Variants in PRKN observed in about 807,000 individuals in gnomAD.
The protein encoded by PRKN is E3 ubiquitin-protein ligase parkin.
A neutral mutation model predicts 59.5 loss-of-function variants in PRKN; 56 were observed. The observed-to-expected ratio is 0.94, with a 90% CI of 0.76 to 1.18. The LOEUF (loss-of-function observed/expected upper bound fraction) is 1.18, where lower values mean the gene tolerates loss of function less well. Among genes scored for constraint, PRKN ranks in the 50% most tolerant of loss-of-function variants. The probability of loss-of-function intolerance (pLI) is 0.00; values close to 1 mark genes in which losing one functional copy is unlikely to be tolerated. For synonymous variants in PRKN, 250 were observed against 222.1 expected, an observed-to-expected ratio of 1.13 and a Z score of -1.12; for missense variants, 657 against 596.4, an observed-to-expected ratio of 1.10 and a Z score of -1.06.
chr6:162,567,043 A>G (rs1411380005), intron 1 of PRKN, among the ~76,000 whole-genome samples: 4 of 152,206 alleles, frequency 2.6e-5, no homozygotes, highest in Admixed American at 6.5e-5. Context: ...CTGAAAAAGC[A>G]TTTAATAAAA....
intron 4 of PRKN, 150 bp from the exon 5 acceptor site, chr6:162,054,324 C>T (rs1158130212): frequency 5.8e-6 from 4 of 694,288 alleles, no homozygotes; most frequent in African/African-American, 5.3e-5. Context: ...CTGGGGGTCC[C>T]CGTGACCCTT....
intron 1 of PRKN, among the ~76,000 whole-genome samples, chr6:162,584,799 TCCC>T (rs1780949956): frequency 3.6e-4 from 2 of 5,486 alleles, no homozygotes; most frequent in Non-Finnish European, 5.6e-4. Context: ...TCCCCTCCCC[TCCC>T]CTCCCCTCCC....
intron 7 of PRKN, among the ~76,000 whole-genome samples, chr6:161,596,175 T>C (rs1436065248): frequency 6.6e-6 from 1 of 152,108 alleles, no homozygotes; most frequent in Non-Finnish European, 1.5e-5. Context: ...CTTGGCACGT[T>C]CCCCTTGAGC....
chr6:162,644,800 G>C (rs371853720), intron 1 of PRKN, among the ~76,000 whole-genome samples: 4 of 152,124 alleles, frequency 2.6e-5, no homozygotes, highest in African/African-American at 9.7e-5. Context: ...CAAAGAATAT[G>C]GTTTGGAAAT....
At chr6:162,275,621 C>T (rs913967188) in intron 2 of PRKN, among the ~76,000 whole-genome samples, 4 of 152,010 alleles carry the variant, frequency 2.6e-5, no homozygotes, top group Admixed American at 6.6e-5. Context: ...CCTGTCTCTA[C>T]TAAAAATACA....
chr6:161,679,684 C>CCGCCT (rs531559048), intron 7 of PRKN, among the ~76,000 whole-genome samples: 1 of 84,866 alleles, frequency 1.2e-5, no homozygotes, highest in Non-Finnish European at 2.4e-5. Context: ...ACCCCCCCCC[C>CCGCCT]TTTTTTTTTT....
At chr6:162,253,279 A>AAATCTAATCCAATCTAATCTAATCT (rs1554291283) in intron 3 of PRKN, among the ~76,000 whole-genome samples, 18 of 149,528 alleles carry the variant, frequency 1.2e-4, no homozygotes, top group African/African-American at 4.5e-4. Flanking sequence ...AACAGGCAAC[A>AAATCTAATCCAATCTAATCTAATCT]AATCTAATCT....
chr6:161,892,372 C>T (rs1795374592), intron 6 of PRKN, among the ~76,000 whole-genome samples: 1 of 151,286 alleles, frequency 6.6e-6, no homozygotes, highest in Non-Finnish European at 1.5e-5. Flanking sequence ...TTGAAATCAG[C>T]CTGGGTAACA....
rs1381509300 is a variant in PRKN at position 161,440,805 on chromosome 6, G to A, written c.1084-53928C>T. On this transcript the variant is annotated intron_variant, in intron 9 of 11. Coordinates refer to ENST00000366898, the MANE Select transcript of PRKN (RefSeq NM_004562.3). The surrounding 1 kb of genome is among the most constrained non-coding windows in gnomAD (Gnocchi z 4.1). ...AAGGTAGAAAGTAGAATGGCCCTGG[G>A]TTTTCTGAGGGTTCTTTATTTGTCT... 6.6e-6 allele frequency among the ~76,000 whole-genome samples: 1 copy of A among 152,158 alleles called. No homozygotes were observed. The highest frequency in any genetic ancestry group is 1.5e-5 in the Non-Finnish European group (1 of 68,030).
At chr6:162,456,327 T>C (rs551444450) in intron 1 of PRKN, among the ~76,000 whole-genome samples, 60 of 152,318 alleles carry the variant, frequency 3.9e-4, no homozygotes, top group Non-Finnish European at 8.2e-4. Flanking sequence ...TTATTTCTAA[T>C]ATTTTTATGC....
intron 2 of PRKN, among the ~76,000 whole-genome samples, chr6:162,302,973 C>A (rs9458502): frequency 0.025 from 3,357 of 133,496 alleles, 141 homozygotes; most frequent in African/African-American, 0.11. Context: ...TACACACACA[C>A]ACACACACAC....
chr6:162,041,158 C>G (rs1377604704), intron 5 of PRKN, among the ~76,000 whole-genome samples: 1 of 152,010 alleles, frequency 6.6e-6, no homozygotes, highest in Non-Finnish European at 1.5e-5. Flanking sequence ...GCCCTCCAGC[C>G]TAGGTGACAG....
chr6:162,045,338 G>A (rs1784211194), intron 5 of PRKN, among the ~76,000 whole-genome samples: 2 of 152,070 alleles, frequency 1.3e-5, no homozygotes, highest in African/African-American at 4.8e-5. Flanking sequence ...AATAATACTT[G>A]CGTAAGATGA....
chr6:162,129,973 A>T (rs2128307826), intron 4 of PRKN, among the ~76,000 whole-genome samples: 1 of 152,330 alleles, frequency 6.6e-6, no homozygotes, highest in Middle Eastern at 3.4e-3. Context: ...AATGAGCCTT[A>T]CAGTCTCAGA....
chr6:162,062,737 C>T (rs1415701312), intron 4 of PRKN, among the ~76,000 whole-genome samples: 1 of 152,130 alleles, frequency 6.6e-6, no homozygotes, highest in Admixed American at 6.5e-5. Context: ...TTACGCTTTC[C>T]AGTCTGGGGT....
intron 6 of PRKN, among the ~76,000 whole-genome samples, chr6:161,916,487 T>C (rs1192871926): frequency 1.3e-5 from 2 of 152,230 alleles, no homozygotes; most frequent in African/African-American, 2.4e-5. Context: ...ATTTGAATTT[T>C]AGAAGATGTC....
intron 3 of PRKN, among the ~76,000 whole-genome samples, chr6:162,253,345 T>C (rs78100707): frequency 0.019 from 2,906 of 151,166 alleles, 95 homozygotes; most frequent in African/African-American, 0.068. Context: ...GCAGCAATCA[T>C]ACAACCCACT....
Position 161,680,105 on chromosome 6 carries a change from C to T in PRKN, c.871+105667G>A, listed in dbSNP as rs565994583. 1.4e-4 allele frequency among the ~76,000 whole-genome samples: 22 copies of T among 152,204 alleles called. No individual in the cohort carries two copies. The South Asian group carries it at 1.7e-3, about 11-fold the overall frequency. ...AATTCCAGTACAATTGGCCTTGTTGCTGGGCAAAGACACTAGGATTCATTG... is the reference window on the plus strand; with the variant it reads ...AATTCCAGTACAATTGGCCTTGTTGTTGGGCAAAGACACTAGGATTCATTG... On this transcript the variant is annotated intron_variant, in intron 7 of 11. Transcript: ENST00000366898.
At chr6:161,735,290 C>A (rs1210489614) in intron 7 of PRKN, among the ~76,000 whole-genome samples, 1 of 152,140 alleles carries the variant, frequency 6.6e-6, no homozygotes, top group Non-Finnish European at 1.5e-5. Flanking sequence ...CCCCTTCTTC[C>A]TCCTCAGCCT....
Sources: gnomAD v4.1 joint callset for allele counts (sites outside exome capture counted in the v4.1 genomes callset) on GRCh38, gnomAD v4.1.1 for gene constraint, Gnocchi (gnomAD v3.1) non-coding constraint, MANE v1.5 for transcripts, NCBI Gene and HGNC (gene_info 2026-07-23, HGNC 2026-07-21) for gene names.